The following EIF4G3 variants were observed in gnomAD, a reference collection of about 807,000 sequenced individuals.
The protein encoded by EIF4G3 is eukaryotic translation initiation factor 4 gamma 3.
A neutral mutation model predicts 186.4 loss-of-function variants in EIF4G3; 34 were observed. The observed-to-expected ratio is 0.18, with a 90% CI of 0.14 to 0.24. EIF4G3 has a LOEUF of 0.24. EIF4G3 is among the 10% of genes least tolerant of loss of function. The pLI, the probability that EIF4G3 is intolerant of heterozygous loss-of-function variation, is 1.00. For synonymous variants in EIF4G3, 673 were observed against 679.5 expected (o/e 0.99, Z 0.15); for missense variants, 1,536 against 1,948.5 (o/e 0.79, Z 3.99).
chr1:21,157,677 T>C (rs2097688741), intron 2 of EIF4G3, among the ~76,000 whole-genome samples: 1 of 152,206 alleles, frequency 6.6e-6, no homozygotes, highest in Admixed American at 6.5e-5. Flanking sequence ...AGCACAGACA[T>C]ACAATGTTAC....
chr1:20,819,412 T>A (rs1290476445), intron 33 of EIF4G3, among the ~76,000 whole-genome samples: 1 of 150,984 alleles, frequency 6.6e-6, no homozygotes, highest in Non-Finnish European at 1.5e-5. Context: ...TGACCTCCGA[T>A]TGCTTTTTTT....
At chr1:20,828,168 G>A (rs527714570) in intron 31 of EIF4G3, among the ~76,000 whole-genome samples, 3 of 151,852 alleles carry the variant, frequency 2.0e-5, no homozygotes, top group Admixed American at 6.6e-5. Flanking sequence ...AAGTAGCTGG[G>A]ATTACAGGCA....
At chr1:21,152,423 T>G (rs1032503216) in intron 2 of EIF4G3, among the ~76,000 whole-genome samples, 1 of 149,704 alleles carries the variant, frequency 6.7e-6, no homozygotes, top group East Asian at 2.0e-4. Flanking sequence ...TGTTACGTAC[T>G]CCTTAGATGG....
chr1:20,974,466 A>C (rs1429410661), intron 10 of EIF4G3, among the ~76,000 whole-genome samples: 1 of 152,198 alleles, frequency 6.6e-6, no homozygotes, highest in Non-Finnish European at 1.5e-5. Context: ...AGGTCAAATA[A>C]GATTTTTCAA....
Position 20,893,554 on chromosome 1 carries a change from T to C in EIF4G3, c.2216A>G (p.Asp739Gly). Residue 739 changes from aspartate to glycine, a missense_variant, in exon 18 of 37, where the codon GAT (aspartate) becomes GGT (glycine). Physicochemically the swap from Asp to Gly is moderately conservative, Grantham distance 94. This residue lies in a region of EIF4G3 where 139 missense variants were observed against 192.8 expected (regional missense o/e 0.72). Transcript: ENST00000602326. ...TCCACCAGGTGTCTGCCTTCCAAAATCAGCAAAGGCTGGTGTAAAGTCTGG... is the reference window on the plus strand; with the variant it reads ...TCCACCAGGTGTCTGCCTTCCAAAACCAGCAAAGGCTGGTGTAAAGTCTGG... Reference protein sequence around the residue: ...RGPDFTPAFADFGRQTPGGRG... With the variant: ...RGPDFTPAFAGFGRQTPGGRG... 1 of 1,602,976 alleles carries C rather than the reference T, an allele frequency of 6.2e-7. No individual in the cohort carries two copies. Among genetic ancestry groups the C allele is most frequent in the Non-Finnish European group, 8.5e-7 (1 of 1,171,816 alleles).
intron 8 of EIF4G3, among the ~76,000 whole-genome samples, chr1:20,981,633 C>T (rs371834165): frequency 1.8e-3 from 200 of 111,112 alleles, no homozygotes; most frequent in Non-Finnish European, 2.8e-3. Flanking sequence ...TACATGTATA[C>T]GCACATACTG....
At chr1:21,129,596 C>T (rs1195223162) in intron 2 of EIF4G3, among the ~76,000 whole-genome samples, 2 of 151,968 alleles carry the variant, frequency 1.3e-5, no homozygotes, top group East Asian at 3.9e-4. Flanking sequence ...AGGCACAAAG[C>T]CTGAAGAGAT....
At chr1:21,151,708 AATTGT>A (rs1156732306) in intron 2 of EIF4G3, among the ~76,000 whole-genome samples, 1 of 56,868 alleles carries the variant, frequency 1.8e-5, no homozygotes, top group Non-Finnish European at 3.7e-5. Context: ...TATAAAAGCA[AATTGT>A]ATTAAATAAA....
chr1:21,156,233 G>A (rs756099483), intron 2 of EIF4G3, among the ~76,000 whole-genome samples: 12 of 152,094 alleles, frequency 7.9e-5, no homozygotes, highest in Non-Finnish European at 1.2e-4. Flanking sequence ...AACTCAGTGG[G>A]AATCTATTCT....
At position 21,050,964 on chromosome 1, in the gene EIF4G3, G is replaced by A. The variant is rs1240428462; in HGVS notation, c.-165C>T. 2.8e-6 allele frequency: 2 copies of A among 717,318 alleles called. No homozygotes were observed. The highest frequency in any genetic ancestry group is 1.7e-5 in the African/African-American group (1 of 57,214). The allele number at this position is 717,318 out of a possible 1,614,324, so 44.4% of individuals were successfully genotyped here. A position where few individuals can be genotyped will look rare whatever the true frequency, so the allele number is the denominator to read the frequency against. ...TGTGCTGAATAAGGGGATGGGGTAG[G>A]GGTTCCCGGCTGTCTTGCCACTTGT... On this transcript the variant is annotated 5_prime_UTR_variant, in exon 4 of 37. Transcript: ENST00000602326.
At chr1:20,822,232 T>C (rs566095620) in intron 33 of EIF4G3, among the ~76,000 whole-genome samples, 2 of 152,148 alleles carry the variant, frequency 1.3e-5, no homozygotes, top group Non-Finnish European at 2.9e-5. Context: ...CTTTTATGTA[T>C]AGAATCTGTG....
intron 23 of EIF4G3, 84 bp from the exon 24 acceptor site, chr1:20,860,601 A>T (rs1233303861): frequency 1.4e-6 from 2 of 1,452,026 alleles, no homozygotes; most frequent in African/African-American, 1.4e-5. Flanking sequence ...TACTACTGGA[A>T]AAGTACAAAA....
At chr1:21,096,606 T>A (rs963918318) in intron 2 of EIF4G3, among the ~76,000 whole-genome samples, 1 of 152,320 alleles carries the variant, frequency 6.6e-6, no homozygotes, top group East Asian at 1.9e-4. Context: ...ACCACTCAAA[T>A]GGCCTTGATA....
rs568423446 is a variant in EIF4G3 at position 20,851,122 on chromosome 1, C to T, written c.3772+136G>A. 9.2e-5 allele frequency: 67 copies of T among 729,210 alleles called. No individual in the cohort carries two copies. In the African/African-American group the frequency reaches 1.0e-3, roughly 11 times the overall value. The allele number at this position is 729,210 out of a possible 1,614,324, so 45.2% of individuals were successfully genotyped here. A position where few individuals can be genotyped will look rare whatever the true frequency, so the allele number is the denominator to read the frequency against. On this transcript the variant is annotated intron_variant, in intron 28 of 36. Coordinates refer to ENST00000602326, the MANE Select transcript of EIF4G3 (RefSeq NM_001391906.1). ...AGAACTGTTATAAAACTATGAAGTA[C>T]CCTTTAACTCTTCAGATGCTGGTAT...
At chr1:21,175,840 G>C (rs781207920) in intron 2 of EIF4G3, 1 of 157,954 alleles carries the variant, frequency 6.3e-6, no homozygotes, top group Middle Eastern at 3.1e-3. Flanking sequence ...TGCAGGGTTG[G>C]TCCCAGGCAC....
intron 14 of EIF4G3, among the ~76,000 whole-genome samples, chr1:20,916,221 C>T (rs535636718): frequency 2.0e-5 from 3 of 151,924 alleles, no homozygotes; most frequent in African/African-American, 4.8e-5. Flanking sequence ...CCGAGGCAGG[C>T]GGATCACGAG....
chr1:20,907,140 T>C (rs1212576724), intron 14 of EIF4G3, among the ~76,000 whole-genome samples: 3 of 152,300 alleles, frequency 2.0e-5, no homozygotes, highest in East Asian at 3.9e-4. Context: ...GAACAAATAA[T>C]AGCAGTTCTA....
At chr1:20,965,576 A>C (rs958405176) in intron 12 of EIF4G3, among the ~76,000 whole-genome samples, 1 of 75,782 alleles carries the variant, frequency 1.3e-5, no homozygotes, top group Non-Finnish European at 3.5e-5. Context: ...TCTCACCTGA[A>C]ATATGATAAT....
At chr1:20,935,919 G>GT (rs887827588) in intron 14 of EIF4G3, among the ~76,000 whole-genome samples, 1 of 152,182 alleles carries the variant, frequency 6.6e-6, no homozygotes. Flanking sequence ...AGGAGGATTA[G>GT]TTACTAAATG....
Sources: allele counts gnomAD v4.1 joint callset (sites outside exome capture counted in the v4.1 genomes callset), GRCh38; gene constraint gnomAD v4.1.1; regional missense constraint gnomAD v4.1.1; transcripts MANE v1.5; gene names NCBI Gene and HGNC (gene_info 2026-07-23, HGNC 2026-07-21).